Variants in UNC13A observed in about 807,000 individuals in gnomAD.
UNC13A encodes the protein protein unc-13 homolog A.
In UNC13A, 61 loss-of-function variants were observed where a neutral mutation model predicts 219.7. That is an observed-to-expected ratio of 0.28 (90% CI 0.23 to 0.34). The LOEUF is 0.34. UNC13A is among the 10% of genes least tolerant of loss of function. The pLI, the probability that UNC13A is intolerant of heterozygous loss-of-function variation, is 1.00. For synonymous variants in UNC13A, 920 were observed against 884.6 expected, an observed-to-expected ratio of 1.04 and a Z score of -0.71; for missense variants, 1,476 against 2,270.3, an observed-to-expected ratio of 0.65 and a Z score of 7.11.
In UNC13A at chr19:17,611,762, C is replaced by T. The variant is rs1313646209; in HGVS notation, c.4651+1G>A. 1 of 1,614,034 alleles carries T rather than the reference C, an allele frequency of 6.2e-7. No individual in the cohort carries two copies. On this transcript the variant is annotated splice_donor_variant, in intron 42 of 43. Coordinates refer to ENST00000519716, the MANE Select transcript of UNC13A (RefSeq NM_001080421.3). LOFTEE classifies it high-confidence loss of function. ...AGTCCCTCCCACCTCAGACCACTCA[C>T]CTTTCACTGTGACCTTGTGTTCCCC...
chr19:17,648,192 G>A (rs1381792880), intron 16 of UNC13A, among the ~76,000 whole-genome samples: 3 of 141,092 alleles, frequency 2.1e-5, no homozygotes, highest in Non-Finnish European at 4.6e-5. Context: ...ACCCCTCTCT[G>A]ACACCCTCAC....
intron 3 of UNC13A, among the ~76,000 whole-genome samples, chr19:17,673,733 A>G (rs2079841456): frequency 1.3e-5 from 2 of 148,166 alleles, no homozygotes; most frequent in African/African-American, 5.0e-5. Context: ...TCCATTGGCC[A>G]GGCATGGTGG....
At chr19:17,647,243 A>G (rs1363093779) in intron 17 of UNC13A, 22 bp downstream of exon 17, 6 of 1,546,906 alleles carry the variant, frequency 3.9e-6, no homozygotes, top group Non-Finnish European at 4.4e-6. Flanking sequence ...GAGGGGCCCT[A>G]TGGCGGCCCA....
intron 30 of UNC13A, 105 bp downstream of exon 30, chr19:17,630,040 A>T: frequency 7.7e-7 from 1 of 1,295,342 alleles, no homozygotes; most frequent in Non-Finnish European, 1.1e-6. Flanking sequence ...CAATGACATC[A>T]CCAACTCCAA....
intron 1 of UNC13A, among the ~76,000 whole-genome samples, chr19:17,676,961 C>A (rs778559046): frequency 1.3e-5 from 2 of 152,254 alleles, no homozygotes; most frequent in East Asian, 3.9e-4. Context: ...TTGCAGTGAG[C>A]CAAGATCATG....
At chr19:17,653,833 T>C (rs2079398813) in intron 11 of UNC13A, among the ~76,000 whole-genome samples, 1 of 145,212 alleles carries the variant, frequency 6.9e-6, no homozygotes, top group African/African-American at 2.6e-5. Flanking sequence ...TTTTTTTTTT[T>C]TTTTTTTTTT....
rs1031708161 is a variant in UNC13A at position 17,640,500 on chromosome 19, C to T, written c.2787+11G>A. On this transcript the variant is annotated intron_variant, in intron 22 of 43. Coordinates refer to ENST00000519716, the MANE Select transcript of UNC13A (RefSeq NM_001080421.3). Reference sequence around the variant, plus strand: ...CTCCCTAATTCTCCAATCCCAGTCCCCAGGACTGACCCCAAAGTTGGAGGC... The same window carrying T: ...CTCCCTAATTCTCCAATCCCAGTCCTCAGGACTGACCCCAAAGTTGGAGGC... 7.1e-6 allele frequency: 11 copies of T among 1,547,828 alleles called. No individual in the cohort carries two copies. The highest frequency in any genetic ancestry group is 9.6e-6 in the Non-Finnish European group (11 of 1,146,090).
intron 11 of UNC13A, among the ~76,000 whole-genome samples, chr19:17,654,947 GT>G (rs548828192): frequency 1.1e-4 from 17 of 152,332 alleles, no homozygotes; most frequent in African/African-American, 3.8e-4. Flanking sequence ...TGGTTTGGGA[GT>G]TAGCATAGCC....
chr19:17,671,421 A>G (rs1418850415), intron 4 of UNC13A, among the ~76,000 whole-genome samples: 3 of 152,010 alleles, frequency 2.0e-5, no homozygotes, highest in African/African-American at 7.3e-5. Context: ...GTCAGCATGG[A>G]GAGGTTGAGA....
rs1276008442 is a variant in UNC13A, at chr19:17,656,119, C to G, written c.1047G>C (p.Glu349Asp). 3 of 1,545,038 alleles carry G rather than the reference C, an allele frequency of 1.9e-6. No individual in the cohort carries two copies. The highest frequency in any genetic ancestry group is 1.7e-4 in the Middle Eastern group (1 of 5,976). ...EDEEELEEEE[E>D]EVPDDLGSYA... is the part of the protein sequence containing the mutation. Reference sequence around the variant, plus strand: ...AGCTGCCCAAATCGTCAGGCACCTCCTCCTCCTCCTCCTCCAGCTCCTCCT... The same window carrying G: ...AGCTGCCCAAATCGTCAGGCACCTCGTCCTCCTCCTCCTCCAGCTCCTCCT... The change falls in exon 10 of 44, where the codon GAG becomes GAC. Residue 349 changes from glutamate to aspartate, a missense_variant. By Grantham distance (45) the Glu-to-Asp change is conservative. This residue lies in a region of UNC13A where 351 missense variants were observed against 342.6 expected (regional missense o/e 1.02). Coordinates refer to ENST00000519716, the MANE Select transcript of UNC13A (RefSeq NM_001080421.3).
At chr19:17,644,163 C>T (rs1313328647) in intron 19 of UNC13A, among the ~76,000 whole-genome samples, 1 of 152,090 alleles carries the variant, frequency 6.6e-6, no homozygotes, top group Non-Finnish European at 1.5e-5. Flanking sequence ...AACAATACCT[C>T]CCTCTTTAGA....
Position 17,617,749 on chromosome 19 carries a change from G to C in UNC13A, c.4511C>G (p.Ala1504Gly). 6.2e-7 allele frequency: 1 copy of C among 1,613,972 alleles called. No homozygotes were observed. The highest frequency in any genetic ancestry group is 1.3e-5 in the African/African-American group (1 of 75,038). The stretch of plus-strand genomic sequence containing the variant: ...AAAGGTCTTGATTAGCAGGTCGGTG[G>C]CCTGCGTGTAGAGCGACAGGGCATA... Reference protein sequence around the residue: ...LRYALSLYTQATDLLIKTFVQ... With the variant: ...LRYALSLYTQGTDLLIKTFVQ... Residue 1504 changes from alanine to glycine, a missense_variant, in exon 41 of 44, where the codon GCC (alanine) becomes GGC (glycine). Around this residue, in one of 14 missense-constraint regions of UNC13A, gnomAD observed 77 missense variants for 94.8 expected, o/e 0.81. Coordinates refer to ENST00000519716, the MANE Select transcript of UNC13A (RefSeq NM_001080421.3).
chr19:17,636,014 C>T lies in UNC13A; in HGVS notation c.3215+10G>A. The T allele has an allele frequency of 6.2e-7, 1 of 1,607,342 alleles. No individual in the cohort carries two copies. The highest frequency in any genetic ancestry group is 8.5e-7 in the Non-Finnish European group (1 of 1,174,806). On this transcript the variant is annotated intron_variant, in intron 26 of 43. Transcript: ENST00000519716. ...ACCCAGATAATTAACTACACAGATACACAACTCACTGGTTGAGGCAGGGAG... is the reference window on the plus strand; with the variant it reads ...ACCCAGATAATTAACTACACAGATATACAACTCACTGGTTGAGGCAGGGAG...
chr19:17,607,150 C>G (rs2144904517), intron 43 of UNC13A, among the ~76,000 whole-genome samples: 1 of 152,316 alleles, frequency 6.6e-6, no homozygotes, highest in Non-Finnish European at 1.5e-5. Flanking sequence ...CCTGTGCTGA[C>G]ACGACATGGA....
At chr19:17,616,063 G>C (rs2076659002) in intron 41 of UNC13A, among the ~76,000 whole-genome samples, 1 of 152,226 alleles carries the variant, frequency 6.6e-6, no homozygotes, top group Non-Finnish European at 1.5e-5. Context: ...CAGGGAGACA[G>C]ATTCTTGCCC....
intron 1 of UNC13A, among the ~76,000 whole-genome samples, chr19:17,678,903 G>C (rs954223208): frequency 1.3e-5 from 2 of 152,142 alleles, no homozygotes; most frequent in East Asian, 1.9e-4. Flanking sequence ...AGGAAGAAAT[G>C]ATGGGCATGA....
chr19:17,670,301 C>T (rs902615956), intron 4 of UNC13A, among the ~76,000 whole-genome samples: 3 of 151,720 alleles, frequency 2.0e-5, no homozygotes, highest in Non-Finnish European at 4.4e-5. Context: ...AGTGCAGTGG[C>T]GTGATCTCAG....
chr19:17,641,500 A>G lies in UNC13A; in HGVS notation c.2529T>C (p.Asp843=). 1 of 1,614,114 alleles carries G rather than the reference A, an allele frequency of 6.2e-7. No individual in the cohort carries two copies. The highest frequency in any genetic ancestry group is 8.5e-7 in the Non-Finnish European group (1 of 1,180,010). ...VQNNGVVKIP[D]AKGDDAWKVY... Reference sequence around the variant, plus strand: ...CCTTCCAGGCATCGTCACCCTTGGCATCTGGGATCTTCACGACCCCATTGT... The same window carrying G: ...CCTTCCAGGCATCGTCACCCTTGGCGTCTGGGATCTTCACGACCCCATTGT... The change falls in exon 21 of 44, where the codon GAT becomes GAC. Residue 843 remains aspartate, a synonymous_variant. Transcript: ENST00000519716.
intron 11 of UNC13A, among the ~76,000 whole-genome samples, chr19:17,654,442 T>C (rs1178849386): frequency 6.6e-6 from 1 of 152,150 alleles, no homozygotes; most frequent in Non-Finnish European, 1.5e-5. Context: ...GTTAAGAAAT[T>C]TCGTTTGGTA....
Sources: allele counts gnomAD v4.1 joint callset (sites outside exome capture counted in the v4.1 genomes callset), GRCh38; gene constraint gnomAD v4.1.1; regional missense constraint gnomAD v4.1.1; transcripts MANE v1.5; gene names NCBI Gene and HGNC (gene_info 2026-07-23, HGNC 2026-07-21).